DKK3: variants seen among roughly 807,000 people sequenced by gnomAD.
The protein encoded by DKK3 is dickkopf-related protein 3.
A neutral mutation model predicts 33.2 loss-of-function variants in DKK3; 22 were observed. The observed-to-expected ratio is 0.66, with a 90% CI of 0.47 to 0.95. DKK3 has a LOEUF of 0.95. DKK3 is among the 40% of genes least tolerant of loss of function. The probability of loss-of-function intolerance (pLI) is 0.00; values close to 1 mark genes in which losing one functional copy is unlikely to be tolerated. For synonymous variants in DKK3, 194 were observed against 188.8 expected (o/e 1.03, Z -0.23); for missense variants, 398 against 458.4 (o/e 0.87, Z 1.20).
At chr11:11,986,113 G>A (rs576142085) in intron 3 of DKK3, among the ~76,000 whole-genome samples, 28 of 152,222 alleles carry the variant, frequency 1.8e-4, no homozygotes, top group African/African-American at 3.4e-4. Flanking sequence ...CCAGCCACCC[G>A]GGTACCCCTG....
Position 11,968,386 on chromosome 11 carries a change from C to T in DKK3, c.528+9G>A, listed in dbSNP as rs1847649578. The T allele has an allele frequency of 1.2e-6, 2 of 1,610,212 alleles. No individual in the cohort carries two copies. Among genetic ancestry groups the T allele is most frequent in the Non-Finnish European group, 1.7e-6 (2 of 1,177,736 alleles). ...GGTGCCACAGCCCCAGAGGCCCTGG[C>T]ATACTCACCATCCTCTGGCCCCGGC... On this transcript the variant is annotated intron_variant, in intron 4 of 6. Coordinates refer to ENST00000683431, the MANE Select transcript of DKK3 (RefSeq NM_001018057.2).
At chr11:11,981,354 C>T (rs934043939) in intron 3 of DKK3, among the ~76,000 whole-genome samples, 3 of 152,204 alleles carry the variant, frequency 2.0e-5, no homozygotes, top group African/African-American at 7.2e-5. Flanking sequence ...CAGCGCTGGT[C>T]ATTGAGTACC....
intron 2 of DKK3, 188 bp downstream of exon 2, chr11:12,002,112 G>T: frequency 1.6e-6 from 1 of 610,294 alleles, no homozygotes; most frequent in Non-Finnish European, 2.6e-6. Context: ...AGCAGTTTAG[G>T]ATCCTGATAC....
chr11:11,983,867 A>G (rs568713805), intron 3 of DKK3, among the ~76,000 whole-genome samples: 1 of 152,332 alleles, frequency 6.6e-6, no homozygotes, highest in African/African-American at 2.4e-5. Context: ...AATCTTCTCA[A>G]CCTTCAGTTT....
chr11:12,006,856 G>T (rs1442179728), intron 1 of DKK3, among the ~76,000 whole-genome samples: 4 of 152,184 alleles, frequency 2.6e-5, no homozygotes. Context: ...CCGGGAATCT[G>T]TGTGCAGGAG....
intron 3 of DKK3, among the ~76,000 whole-genome samples, chr11:11,988,447 C>G (rs944119982): frequency 5.9e-5 from 9 of 152,222 alleles, no homozygotes; most frequent in African/African-American, 1.9e-4. Context: ...TTCCACTGCT[C>G]CGGGCTCTGA....
chr11:11,986,866 GC>G (rs1276556094), intron 3 of DKK3, among the ~76,000 whole-genome samples: 2 of 152,132 alleles, frequency 1.3e-5, no homozygotes, highest in Admixed American at 1.3e-4. Context: ...TGGGTATACA[GC>G]CCAGCAAACA....
At chr11:11,974,722 G>A (rs1016950018) in intron 3 of DKK3, among the ~76,000 whole-genome samples, 15 of 152,048 alleles carry the variant, frequency 9.9e-5, no homozygotes, top group Admixed American at 5.9e-4. Context: ...TGCTTGACTC[G>A]CAGCTGCCAT....
chr11:11,986,654 C>T lies in DKK3; in HGVS notation c.435+12042G>A, dbSNP rs188042964. Reference sequence around the variant, plus strand: ...TCAAAACAACTCAACATTATGGCTGCAAACCACCATGACTTTATCAGAAAT... The same window carrying T: ...TCAAAACAACTCAACATTATGGCTGTAAACCACCATGACTTTATCAGAAAT... On this transcript the variant is annotated intron_variant, in intron 3 of 6. Coordinates refer to ENST00000683431, the MANE Select transcript of DKK3 (RefSeq NM_001018057.2). Among the ~76,000 whole-genome samples the T allele has an allele frequency of 2.0e-4, 31 of 152,284 alleles. No homozygotes were observed. The East Asian group carries it at 3.9e-3, about 19-fold the overall frequency.
At chr11:11,971,141 G>A (rs1847717232) in intron 3 of DKK3, among the ~76,000 whole-genome samples, 1 of 149,034 alleles carries the variant, frequency 6.7e-6, no homozygotes, top group Non-Finnish European at 1.5e-5. Context: ...AGAAACACTT[G>A]TCCATATATG....
In DKK3 at chr11:11,964,765, G is replaced by A. The variant is rs1435426768; in HGVS notation, c.831-79C>T. 4.5e-6 allele frequency: 7 copies of A among 1,543,046 alleles called. No homozygotes were observed. The South Asian group carries it at 5.9e-5, about 13-fold the overall frequency. On this transcript the variant is annotated intron_variant, in intron 6 of 6. Transcript: ENST00000683431. ...GAAAGCTAAGGCGCCCTGACTCTGT[G>A]GGGCTCCCAGCCTCACCTTCATGCC...
chr11:11,979,084 G>C lies in DKK3; in HGVS notation c.436-10597C>G, dbSNP rs183915984. 3 of 152,386 alleles carry C rather than the reference G, an allele frequency of 2.0e-5. 1 individual carries two copies. The highest frequency in any genetic ancestry group is 6.8e-3 in the Middle Eastern group (2 of 294). 9.4% of individuals were successfully genotyped at this position (152,386 alleles called of 1,614,324 possible). ...AGAGGTGGGGAACAGGTTCACCGAC[G>C]CAAGGAAAGGCATGAATCACAACAG... On this transcript the variant is annotated intron_variant, in intron 3 of 6. Coordinates refer to ENST00000683431, the MANE Select transcript of DKK3 (RefSeq NM_001018057.2).
intron 5 of DKK3, among the ~76,000 whole-genome samples, chr11:11,966,301 G>A (rs1201776801): frequency 6.6e-6 from 1 of 152,210 alleles, no homozygotes; most frequent in Non-Finnish European, 1.5e-5. Flanking sequence ...AGTGGAAAAT[G>A]TCAGGGCCGG....
chr11:11,984,759 C>G (rs1213546890), intron 3 of DKK3, among the ~76,000 whole-genome samples: 1 of 152,106 alleles, frequency 6.6e-6, no homozygotes, highest in Admixed American at 6.5e-5. Context: ...CCCCAGCCCC[C>G]TGGCAGGGCT....
At chr11:11,993,878 C>T (rs190436951) in intron 3 of DKK3, among the ~76,000 whole-genome samples, 13 of 152,314 alleles carry the variant, frequency 8.5e-5, no homozygotes, top group Admixed American at 8.5e-4. Context: ...GGGGCCCCAA[C>T]TTGGAACTTA....
At chr11:12,005,363 T>C (rs2133336959) in intron 1 of DKK3, among the ~76,000 whole-genome samples, 1 of 152,242 alleles carries the variant, frequency 6.6e-6, no homozygotes, top group Middle Eastern at 3.4e-3. Flanking sequence ...AGCTGTTTCG[T>C]AGAGGAGGAA....
intron 3 of DKK3, among the ~76,000 whole-genome samples, chr11:11,973,102 T>C (rs576272417): frequency 1.7e-3 from 262 of 152,358 alleles, no homozygotes; most frequent in Middle Eastern, 3.4e-3. Flanking sequence ...TCAAAGGCTA[T>C]GCCTGCAATC....
intron 5 of DKK3, 115 bp from the exon 6 acceptor site, chr11:11,966,080 C>T: frequency 7.7e-7 from 1 of 1,291,912 alleles, no homozygotes. Flanking sequence ...CCCCAAAGTG[C>T]AGGCTAGTTT....
At chr11:11,976,703 G>C (rs1564911111) in intron 3 of DKK3, among the ~76,000 whole-genome samples, 1 of 152,218 alleles carries the variant, frequency 6.6e-6, no homozygotes, top group African/African-American at 2.4e-5. Context: ...AGGAGGGCAG[G>C]GTCCACAAGG....
Sources: allele counts gnomAD v4.1 joint callset (sites outside exome capture counted in the v4.1 genomes callset), GRCh38; gene constraint gnomAD v4.1.1; transcripts MANE v1.5; gene names NCBI Gene and HGNC (gene_info 2026-07-23, HGNC 2026-07-21).